The following DENND6A variants were observed in gnomAD, a reference collection of about 807,000 sequenced individuals.
The protein encoded by DENND6A is DENN domain containing 6A.
A neutral mutation model predicts 95.5 loss-of-function variants in DENND6A; 43 were observed. That is an observed-to-expected ratio of 0.45 (90% CI 0.35 to 0.58). The LOEUF is 0.58. DENND6A is among the 20% of genes least tolerant of loss of function. The pLI is 0.00. For synonymous variants in DENND6A, 257 were observed against 260.4 expected, an observed-to-expected ratio of 0.99 and a Z score of 0.13; for missense variants, 574 against 736.0, an observed-to-expected ratio of 0.78 and a Z score of 2.55.
chr3:57,635,062 G>A (rs2070762133), intron 12 of DENND6A, among the ~76,000 whole-genome samples: 1 of 152,022 alleles, frequency 6.6e-6, no homozygotes, highest in African/African-American at 2.4e-5. Flanking sequence ...CACTCAACCT[G>A]TAATTTAAAA....
intron 1 of DENND6A, among the ~76,000 whole-genome samples, chr3:57,692,520 G>A (rs1444681613): frequency 6.6e-6 from 1 of 152,068 alleles, no homozygotes; most frequent in Non-Finnish European, 1.5e-5. Context: ...GCGTTTAAAA[G>A]AAATAAAGAA....
intron 1 of DENND6A, among the ~76,000 whole-genome samples, chr3:57,681,463 CA>C (rs796693825): frequency 2.3e-4 from 32 of 137,678 alleles, no homozygotes; most frequent in Middle Eastern, 3.9e-3. Context: ...GACTCTGCCT[CA>C]AAAAAAAAAA....
At chr3:57,661,365 G>A (rs1479154953) in intron 6 of DENND6A, 81 bp downstream of exon 6, 1 of 1,075,724 alleles carries the variant, frequency 9.3e-7, no homozygotes, top group Non-Finnish European at 1.3e-6. Context: ...TTTATAAATT[G>A]TTATAAATCA....
intron 1 of DENND6A, among the ~76,000 whole-genome samples, chr3:57,673,203 C>T (rs576725473): frequency 2.7e-3 from 205 of 74,616 alleles, no homozygotes; most frequent in African/African-American, 9.5e-3. Context: ...GACAGAATGA[C>T]ATTTCGTATC....
At chr3:57,669,591 T>C (rs1037605035) in intron 3 of DENND6A, among the ~76,000 whole-genome samples, 2 of 150,954 alleles carry the variant, frequency 1.3e-5, no homozygotes, top group Non-Finnish European at 2.9e-5. Flanking sequence ...GGTGGGCACC[T>C]GTAGTCCCAG....
At chr3:57,687,265 T>G (rs888075618) in intron 1 of DENND6A, among the ~76,000 whole-genome samples, 1 of 152,214 alleles carries the variant, frequency 6.6e-6, no homozygotes, top group Admixed American at 6.5e-5. Flanking sequence ...CTGAGTGGTC[T>G]GGATAGAAGA....
chr3:57,631,359 G>C (rs1160214629), intron 15 of DENND6A, among the ~76,000 whole-genome samples: 1 of 152,042 alleles, frequency 6.6e-6, no homozygotes, highest in East Asian at 1.9e-4. Context: ...ACCACGCCTG[G>C]CTAATTTTGT....
intron 12 of DENND6A, among the ~76,000 whole-genome samples, chr3:57,636,849 A>T (rs2070804932): frequency 6.6e-6 from 1 of 151,304 alleles, no homozygotes. Context: ...ACACAGGAGA[A>T]TCACTTGAAC....
At chr3:57,631,596 A>G (rs1237383859) in intron 15 of DENND6A, among the ~76,000 whole-genome samples, 1 of 152,148 alleles carries the variant, frequency 6.6e-6, no homozygotes, top group Non-Finnish European at 1.5e-5. Context: ...AATCCTTGGA[A>G]TGATCCTATG....
intron 9 of DENND6A, among the ~76,000 whole-genome samples, chr3:57,650,207 T>C (rs187748484): frequency 1.3e-5 from 2 of 151,874 alleles, no homozygotes; most frequent in South Asian, 2.1e-4. Context: ...CCTCGTGTGA[T>C]GGGTATATCA....
chr3:57,672,953 A>G (rs935465915), intron 1 of DENND6A, among the ~76,000 whole-genome samples: 1 of 152,052 alleles, frequency 6.6e-6, no homozygotes, highest in African/African-American at 2.4e-5. Flanking sequence ...AATCCAGGCC[A>G]GGCATATTGG....
chr3:57,654,587 G>A, intron 9 of DENND6A: 1 of 963,180 alleles, frequency 1.0e-6, no homozygotes, highest in Non-Finnish European at 1.2e-6. Context: ...AAATGTCCCT[G>A]ACTCTAAGGC....
Position 57,663,721 on chromosome 3 carries a change from G to A in DENND6A, c.433-5C>T. On this transcript the variant is annotated splice_polypyrimidine_tract_variant and splice_region_variant and intron_variant, in intron 4 of 19. Coordinates refer to ENST00000311128, the MANE Select transcript of DENND6A (RefSeq NM_152678.3). ...ATAAAAATAAGCAGGATCCTTCTAA[G>A]AAGAAAGTGACAAGTAAGTGTGTGT... 1 of 1,557,042 alleles carries A rather than the reference G, an allele frequency of 6.4e-7. No homozygotes were observed. Among genetic ancestry groups the A allele is most frequent in the African/African-American group, 1.4e-5 (1 of 73,168 alleles).
chr3:57,633,785 A>G (rs2070735864), intron 14 of DENND6A, among the ~76,000 whole-genome samples: 1 of 151,838 alleles, frequency 6.6e-6, no homozygotes, highest in African/African-American at 2.4e-5. Context: ...AGCTACTTGG[A>G]AGGCTGAGAC....
intron 1 of DENND6A, among the ~76,000 whole-genome samples, chr3:57,677,779 T>C (rs535856953): frequency 1.6e-4 from 25 of 152,266 alleles, no homozygotes; most frequent in South Asian, 4.1e-4. Flanking sequence ...TTTTCCTTGA[T>C]GGCAGAAAGC....
chr3:57,677,430 T>C (rs1279873994), intron 1 of DENND6A, among the ~76,000 whole-genome samples: 2 of 139,134 alleles, frequency 1.4e-5, no homozygotes, highest in Non-Finnish European at 3.1e-5. Flanking sequence ...TTTTTTTTTT[T>C]TTTTTTTTTT....
intron 12 of DENND6A, among the ~76,000 whole-genome samples, chr3:57,638,876 G>A (rs2070863325): frequency 2.0e-5 from 3 of 152,108 alleles, no homozygotes; most frequent in South Asian, 2.1e-4. Context: ...GCCAAGGCAG[G>A]AGGACTGCTT....
At chr3:57,640,162 G>A (rs891655061) in intron 12 of DENND6A, among the ~76,000 whole-genome samples, 3 of 151,726 alleles carry the variant, frequency 2.0e-5, no homozygotes, top group African/African-American at 7.3e-5. Context: ...CCAGCTCCTT[G>A]GGAGGCTGAG....
intron 9 of DENND6A, among the ~76,000 whole-genome samples, chr3:57,654,462 A>C (rs972924525): frequency 2.0e-5 from 3 of 152,332 alleles, no homozygotes; most frequent in East Asian, 1.9e-4. Context: ...TAGAAAGCCA[A>C]AATAACTTGT....
Sources: gnomAD v4.1 joint callset for allele counts (sites outside exome capture counted in the v4.1 genomes callset) on GRCh38, gnomAD v4.1.1 for gene constraint, MANE v1.5 for transcripts, NCBI Gene and HGNC (gene_info 2026-07-23, HGNC 2026-07-21) for gene names.